The following DCLK2 variants were observed in gnomAD, a reference collection of about 807,000 sequenced individuals.
DCLK2 encodes the protein doublecortin like kinase 2.
A neutral mutation model predicts 78.4 loss-of-function variants in DCLK2; 31 were observed. That is an observed-to-expected ratio of 0.40 (90% CI 0.30 to 0.53). The LOEUF (loss-of-function observed/expected upper bound fraction) is 0.53. DCLK2 is among the 20% of genes least tolerant of loss of function. The pLI is 0.61. For synonymous variants in DCLK2, 407 were observed against 374.9 expected (o/e 1.09, Z -0.99); for missense variants, 872 against 973.7 (o/e 0.90, Z 1.39).
chr4:150,106,779 T>G (rs1731285611), intron 2 of DCLK2, among the ~76,000 whole-genome samples: 1 of 152,216 alleles, frequency 6.6e-6, no homozygotes, highest in African/African-American at 2.4e-5. Flanking sequence ...GCTAAAACAG[T>G]GTCCCTTGAA....
At chr4:150,141,876 C>G (rs776890880) in intron 2 of DCLK2, among the ~76,000 whole-genome samples, 1 of 152,216 alleles carries the variant, frequency 6.6e-6, no homozygotes, top group African/African-American at 2.4e-5. Flanking sequence ...ATTTAATACC[C>G]TGGAATATGG....
intron 2 of DCLK2, among the ~76,000 whole-genome samples, chr4:150,153,457 G>T: frequency 6.6e-6 from 1 of 151,896 alleles, no homozygotes; most frequent in South Asian, 2.1e-4. Flanking sequence ...CTGTCATCTA[G>T]GCCGGAGTGC....
At chr4:150,242,524 C>A (rs1409309418) in intron 12 of DCLK2, among the ~76,000 whole-genome samples, 1 of 152,178 alleles carries the variant, frequency 6.6e-6, no homozygotes, top group East Asian at 1.9e-4. Flanking sequence ...TTGAGTGAAT[C>A]TTCTGAGCTG....
intron 2 of DCLK2, among the ~76,000 whole-genome samples, chr4:150,119,591 G>A (rs1451148183): frequency 6.6e-6 from 1 of 152,130 alleles, no homozygotes; most frequent in Non-Finnish European, 1.5e-5. Flanking sequence ...TTCCTATTGT[G>A]TAAATTGAGG....
chr4:150,220,893 A>G (rs1027388333), intron 6 of DCLK2, 115 bp downstream of exon 6: 4 of 797,998 alleles, frequency 5.0e-6, no homozygotes, highest in African/African-American at 1.7e-5. Flanking sequence ...ATGTGATCAC[A>G]TCACCTGTCA....
rs752427403 is a variant in DCLK2, at chr4:150,220,822, A to G, written c.1132+44A>G. The G allele has an allele frequency of 2.7e-6, 4 of 1,479,734 alleles. No individual in the cohort carries two copies. The Admixed American group carries it at 6.9e-5, about 26-fold the overall frequency. 91.7% of individuals were successfully genotyped at this position (1,479,734 alleles called of 1,614,324 possible). A position where few individuals can be genotyped will look rare whatever the true frequency, so the allele number is the denominator to read the frequency against. On this transcript the variant is annotated intron_variant, in intron 6 of 15. Coordinates refer to ENST00000296550, the MANE Select transcript of DCLK2 (RefSeq NM_001040260.4). Reference sequence around the variant, plus strand: ...ATTACTTTGATAAAGGAAATCATGCATGGGGACTTGGTGCTCACCTAAAAC... The same window carrying G: ...ATTACTTTGATAAAGGAAATCATGCGTGGGGACTTGGTGCTCACCTAAAAC...
At chr4:150,079,836 G>A (rs1229280873) in intron 1 of DCLK2, among the ~76,000 whole-genome samples, 1 of 152,146 alleles carries the variant, frequency 6.6e-6, no homozygotes, top group Non-Finnish European at 1.5e-5. Flanking sequence ...CCCTGGTGCA[G>A]GCTCCTGTCA....
At position 150,078,489 on chromosome 4, in the gene DCLK2, G is replaced by GCGGGATCCGGGCGCGGC. The variant is rs1728978036; in HGVS notation, c.-536_-520dup. On this transcript the variant is annotated 5_prime_UTR_variant, in exon 1 of 16. Coordinates refer to ENST00000296550, the MANE Select transcript of DCLK2 (RefSeq NM_001040260.4). ...CCGAACGGCGCGCGCTGCCCGGCGG[G>GCGGGATCCGGGCGCGGC]CGGGATCCGGGCGCGGCCGAGGCGG... The GCGGGATCCGGGCGCGGC allele has an allele frequency of 6.6e-6, 1 of 151,286 alleles. No homozygotes were observed. The highest frequency in any genetic ancestry group is 2.4e-5 in the African/African-American group (1 of 41,288). 9.4% of individuals were successfully genotyped at this position (151,286 alleles called of 1,614,324 possible).
At chr4:150,109,927 G>A (rs1731543583) in intron 2 of DCLK2, among the ~76,000 whole-genome samples, 1 of 152,144 alleles carries the variant, frequency 6.6e-6, no homozygotes, top group South Asian at 2.1e-4. Flanking sequence ...CTTCACTTTT[G>A]ATGAACCCCT....
intron 8 of DCLK2, among the ~76,000 whole-genome samples, chr4:150,230,596 C>T (rs538834878): frequency 3.3e-5 from 5 of 152,204 alleles, no homozygotes; most frequent in Non-Finnish European, 7.3e-5. Context: ...TATACATGTT[C>T]ACAAAAGTGT....
intron 5 of DCLK2, among the ~76,000 whole-genome samples, chr4:150,205,433 G>C (rs1287498524): frequency 1.3e-5 from 2 of 152,196 alleles, no homozygotes; most frequent in African/African-American, 4.8e-5. Flanking sequence ...AATTTGGGCT[G>C]AGACTAGTAG....
At chr4:150,088,251 A>C (rs1729780773) in intron 1 of DCLK2, among the ~76,000 whole-genome samples, 1 of 152,174 alleles carries the variant, frequency 6.6e-6, no homozygotes, top group Non-Finnish European at 1.5e-5. Flanking sequence ...AACTTGAGAA[A>C]TAGTACAGTG....
intron 8 of DCLK2, among the ~76,000 whole-genome samples, chr4:150,225,539 A>T (rs1350083246): frequency 6.6e-6 from 1 of 152,258 alleles, no homozygotes; most frequent in Non-Finnish European, 1.5e-5. Context: ...CAGAGCTACC[A>T]GTCACGTACA....
At chr4:150,197,032 G>A (rs1329104669) in intron 3 of DCLK2, among the ~76,000 whole-genome samples, 4 of 151,928 alleles carry the variant, frequency 2.6e-5, no homozygotes, top group East Asian at 3.9e-4. Context: ...GTGGGCGCCT[G>A]TAGTCCACTC....
chr4:150,100,025 G>A (rs1188699517), intron 1 of DCLK2, among the ~76,000 whole-genome samples: 2 of 152,124 alleles, frequency 1.3e-5, no homozygotes, highest in Non-Finnish European at 2.9e-5. Context: ...TGATCCTCCT[G>A]TCTCAGCCTC....
intron 8 of DCLK2, among the ~76,000 whole-genome samples, chr4:150,227,164 T>C (rs893084389): frequency 1.3e-5 from 2 of 152,204 alleles, no homozygotes; most frequent in African/African-American, 4.8e-5. Flanking sequence ...TTACACAGCC[T>C]GTACATTGGC....
chr4:150,248,048 CTG>C (rs1743468144), intron 13 of DCLK2, among the ~76,000 whole-genome samples: 1 of 152,170 alleles, frequency 6.6e-6, no homozygotes, highest in East Asian at 1.9e-4. Flanking sequence ...CAGTTTTAGA[CTG>C]TGGAATAATA....
intron 15 of DCLK2, among the ~76,000 whole-genome samples, chr4:150,253,079 G>A (rs182548675): frequency 4.0e-5 from 6 of 149,612 alleles, no homozygotes; most frequent in African/African-American, 7.3e-5. Context: ...TGTCCTCCTC[G>A]TCCTCCTCAT....
chr4:150,134,076 C>CTTTTTTTTT (rs768954755), intron 2 of DCLK2, among the ~76,000 whole-genome samples: 13 of 94,838 alleles, frequency 1.4e-4, no homozygotes, highest in Non-Finnish European at 1.4e-4. Context: ...CGTATAAACT[C>CTTTTTTTTT]TTTTTTTTTT....
Sources: allele counts gnomAD v4.1 joint callset (sites outside exome capture counted in the v4.1 genomes callset), GRCh38; gene constraint gnomAD v4.1.1; transcripts MANE v1.5; gene names NCBI Gene and HGNC (gene_info 2026-07-23, HGNC 2026-07-21).